DLD: variants seen among roughly 807,000 people sequenced by gnomAD.
The protein encoded by DLD is dihydrolipoamide dehydrogenase, also known as dihydrolipoyl dehydrogenase, mitochondrial.
Under a neutral mutation model 62.2 loss-of-function variants are expected in DLD, and 36 were observed. The ratio of observed to expected loss-of-function variants is 0.58; its 90% CI spans 0.44 to 0.76. The LOEUF (loss-of-function observed/expected upper bound fraction) is 0.76, where lower values mean the gene tolerates loss of function less well. Among genes scored for constraint, DLD ranks in the 30% least tolerant of loss-of-function variants. The probability of loss-of-function intolerance (pLI) is 0.00; values close to 1 mark genes in which losing one functional copy is unlikely to be tolerated. For missense variants in DLD, 541 were observed against 608.6 expected, an observed-to-expected ratio of 0.89 and a Z score of 1.17; for synonymous variants, 204 against 199.6, an observed-to-expected ratio of 1.02 and a Z score of -0.19.
At position 107,919,355 on chromosome 7, in the gene DLD, C is replaced by G. The variant is rs146417880; in HGVS notation, c.*96C>G. ...GATATTCTCACAGCTCCAAGAATTT[C>G]TAGGACTGAATTATGAAACTTTTGG... is the stretch of plus-strand genomic sequence containing the variant. On this transcript the variant is annotated 3_prime_UTR_variant, in exon 14 of 14. Transcript: ENST00000205402. The G allele has an allele frequency of 4.9e-4, 500 of 1,011,654 alleles. 1 individual carries two copies. The African/African-American group carries it at 7.1e-3, about 14-fold the overall frequency. 62.7% of individuals were successfully genotyped at this position (1,011,654 alleles called of 1,614,324 possible). A position where few individuals can be genotyped will look rare whatever the true frequency, so the allele number is the denominator to read the frequency against.
At chr7:107,919,137 A>T in intron 13 of DLD, 38 bp downstream of exon 13, 1 of 1,612,354 alleles carries the variant, frequency 6.2e-7, no homozygotes, top group Non-Finnish European at 8.5e-7. Flanking sequence ...TGGTTGCCTA[A>T]ATTTTCTTCT....
Position 107,893,239 on chromosome 7 carries a change from C to T in DLD, c.79C>T (p.Leu27Phe), listed in dbSNP as rs2116162795. 13 of 1,613,548 alleles carry T rather than the reference C, an allele frequency of 8.1e-6. No homozygotes were observed. Among genetic ancestry groups the T allele is most frequent in the East Asian group, 4.5e-5 (2 of 44,858 alleles). Residue 27 changes from leucine to phenylalanine, a missense_variant, in exon 2 of 14, where the codon CTT becomes TTT. By Grantham distance (22) the Leu-to-Phe change is conservative. Transcript: ENST00000205402. ...FNRISHGLQGLSAVPLRTYAD... is the reference protein window; with the variant it reads ...FNRISHGLQGFSAVPLRTYAD... ...TCGAATATCTCATGGCCTACAGGGA[C>T]TTTCTGCAGTGCCTCTGAGAACTTA...
At chr7:107,910,534 GC>G (rs1204428939) in intron 8 of DLD, among the ~76,000 whole-genome samples, 2 of 151,894 alleles carry the variant, frequency 1.3e-5, no homozygotes, top group African/African-American at 4.8e-5. Context: ...TTTATATTTT[GC>G]CTTTCTTCCA....
At chr7:107,895,482 C>T (rs548230658) in intron 2 of DLD, among the ~76,000 whole-genome samples, 29 of 152,312 alleles carry the variant, frequency 1.9e-4, no homozygotes, top group African/African-American at 6.5e-4. Context: ...ACTTGTAACA[C>T]TTAAACTTAC....
In DLD at chr7:107,893,200, A is replaced by T. The variant is rs1179616751; in HGVS notation, c.40A>T (p.Arg14Ter). 1 of 1,612,912 alleles carries T rather than the reference A, an allele frequency of 6.2e-7. No individual in the cohort carries two copies. The highest frequency in any genetic ancestry group is 1.1e-5 in the South Asian group (1 of 90,946). The change falls in exon 2 of 14, where the codon AGA becomes TGA. Residue 14 changes from arginine (R) to a stop codon, truncating the protein, a stop_gained and splice_region_variant. Coordinates refer to ENST00000205402, the MANE Select transcript of DLD (RefSeq NM_000108.5). LOFTEE classifies it high-confidence loss of function. ...TAATAGGGACATTTTCTTTTTCTAG[A>T]GAGGCCATTTCAATCGAATATCTCA... is the stretch of plus-strand genomic sequence containing the variant. ...WSRVYCSLAKRGHFNRISHGL... is the reference protein window; with the variant it reads ...WSRVYCSLAK
intron 2 of DLD, among the ~76,000 whole-genome samples, chr7:107,898,895 A>G (rs914565105): frequency 1.3e-5 from 2 of 152,120 alleles, no homozygotes; most frequent in Non-Finnish European, 2.9e-5. Flanking sequence ...AACTTTATGT[A>G]TGGGACTCAA....
chr7:107,892,293 G>A (rs145072934), intron 1 of DLD, among the ~76,000 whole-genome samples: 4,327 of 152,256 alleles, frequency 0.028, 80 homozygotes, highest in Non-Finnish European at 0.043. Context: ...GGGAGATTAT[G>A]ATGCAATTTG....
At chr7:107,904,758 A>G (rs1562914879) in intron 5 of DLD, 200 bp from the exon 6 acceptor site, 2 of 646,720 alleles carry the variant, frequency 3.1e-6, no homozygotes, top group South Asian at 1.5e-5. Context: ...TAGACATTTT[A>G]TAGTGTTTGA....
At chr7:107,896,653 A>T (rs1268842439) in intron 2 of DLD, among the ~76,000 whole-genome samples, 1 of 152,196 alleles carries the variant, frequency 6.6e-6, no homozygotes, top group Non-Finnish European at 1.5e-5. Flanking sequence ...AGGTTACTGA[A>T]AAAGACTGGA....
intron 8 of DLD, among the ~76,000 whole-genome samples, chr7:107,913,306 T>C (rs1295671936): frequency 6.6e-6 from 1 of 152,046 alleles, no homozygotes; most frequent in African/African-American, 2.4e-5. Context: ...AGGGATTGCA[T>C]TGAATCTGTA....
rs574539908 is a variant in DLD at position 107,919,510 on chromosome 7, C to T, written c.*251C>T. 1.1e-4 allele frequency: 40 copies of T among 356,004 alleles called. No homozygotes were observed. The highest frequency in any genetic ancestry group is 6.1e-4 in the African/African-American group (29 of 47,688). The allele number at this position is 356,004 out of a possible 1,614,324, so 22.1% of individuals were successfully genotyped here. The stretch of plus-strand genomic sequence containing the variant: ...TTATTGTAGCATCCTGGAATATCTC[C>T]GTCAACTCATATTTTCATGCTGTTC... On this transcript the variant is annotated 3_prime_UTR_variant, in exon 14 of 14. Transcript: ENST00000205402.
intron 12 of DLD, 54 bp downstream of exon 12, chr7:107,918,115 G>C: frequency 6.2e-7 from 1 of 1,606,824 alleles, no homozygotes; most frequent in Non-Finnish European, 8.5e-7. Flanking sequence ...AAGCATTGCT[G>C]TTTATTAATT....
At chr7:107,891,569 C>G (rs1180101315) in intron 1 of DLD, 11 of 580,320 alleles carry the variant, frequency 1.9e-5, no homozygotes, top group Non-Finnish European at 3.1e-5. Context: ...AAGCCTGGGC[C>G]GAGGGCCATC....
chr7:107,893,471 C>T (rs537499837), intron 2 of DLD, 193 bp downstream of exon 2: 14 of 436,448 alleles, frequency 3.2e-5, no homozygotes, highest in Non-Finnish European at 5.3e-5. Flanking sequence ...AAACCCTGCT[C>T]TTATGAAACT....
intron 1 of DLD, 54 bp from the exon 2 acceptor site, chr7:107,893,146 A>G (rs779941446): frequency 7.6e-6 from 11 of 1,443,572 alleles, no homozygotes; most frequent in Non-Finnish European, 1.1e-5. Flanking sequence ...AACCTTCAGT[A>G]GTTCTATGTT....
At chr7:107,893,814 C>T (rs2031650903) in intron 2 of DLD, among the ~76,000 whole-genome samples, 1 of 152,138 alleles carries the variant, frequency 6.6e-6, no homozygotes, top group Non-Finnish European at 1.5e-5. Context: ...CATGGAGTGC[C>T]TTGTAAGGCA....
At position 107,915,544 on chromosome 7, in the gene DLD, A is replaced by C. The variant is rs751488296; in HGVS notation, c.723A>C (p.Ala241=). Reference sequence around the variant, plus strand: ...AAAGACTTGGTGCAGATGTGACAGCAGTTGAATTTTTAGGTCATGTAGGTG... The same window carrying C: ...AAAGACTTGGTGCAGATGTGACAGCCGTTGAATTTTTAGGTCATGTAGGTG... The part of the protein sequence containing the change: ...VWQRLGADVT[A]VEFLGHVGGV... The change falls in exon 9 of 14, where the codon GCA becomes GCC. Residue 241 remains alanine (A), a synonymous_variant. Transcript: ENST00000205402. 8.7e-6 allele frequency: 14 copies of C among 1,613,948 alleles called. No homozygotes were observed. In the South Asian group the frequency reaches 1.5e-4, roughly 18 times the overall value.
intron 13 of DLD, 44 bp downstream of exon 13, chr7:107,919,143 C>T: frequency 1.2e-6 from 2 of 1,611,978 alleles, no homozygotes; most frequent in Non-Finnish European, 1.7e-6. Flanking sequence ...CCTAAATTTT[C>T]TTCTGACCCA....
rs911815672 is a variant in DLD at position 107,917,427 on chromosome 7, T to C, written c.1201T>C (p.Trp401Arg). Residue 401 changes from tryptophan (W) to arginine (R), a missense_variant, in exon 11 of 14, where the codon TGG (tryptophan) becomes CGG (arginine). Trp to Arg is a moderately radical substitution (Grantham distance 101). Transcript: ENST00000205402. ...GATTTACACACACCCTGAAGTTGCT[T>C]GGGTTGGCAAATCAGAAGAGCAGTT... is the stretch of plus-strand genomic sequence containing the variant. The part of the protein sequence containing the change: ...SVIYTHPEVA[W>R]VGKSEEQLKE... The C allele has an allele frequency of 6.2e-7, 1 of 1,614,020 alleles. No homozygotes were observed. The highest frequency in any genetic ancestry group is 1.3e-5 in the African/African-American group (1 of 74,916).
Sources: gnomAD v4.1 joint callset for allele counts (sites outside exome capture counted in the v4.1 genomes callset) on GRCh38, gnomAD v4.1.1 for gene constraint, MANE v1.5 for transcripts, NCBI Gene and HGNC (gene_info 2026-07-23, HGNC 2026-07-21) for gene names.